NFS1: variants seen among roughly 807,000 people sequenced by gnomAD.
The protein encoded by NFS1 is NFS1 cysteine desulfurase, also known as cysteine desulfurase.
A neutral mutation model predicts 57.3 loss-of-function variants in NFS1; 26 were observed. That is an observed-to-expected ratio of 0.45 (90% confidence interval 0.33 to 0.63). The LOEUF is 0.63. Ranked by LOEUF, NFS1 falls within the 20% of genes least tolerant of loss-of-function variation. NFS1 has a pLI of 0.02. For synonymous variants in NFS1, 209 were observed against 216.3 expected (o/e 0.97, Z 0.30); for missense variants, 505 against 605.8 (o/e 0.83, Z 1.75).
chr20:35,677,414 T>C (rs2034771308), intron 7 of NFS1, among the ~76,000 whole-genome samples: 1 of 151,914 alleles, frequency 6.6e-6, no homozygotes, highest in African/African-American at 2.4e-5. Context: ...CATGCACTTA[T>C]AGTCCCAGCT....
intron 4 of NFS1, among the ~76,000 whole-genome samples, chr20:35,692,692 C>A (rs1404070794): frequency 1.3e-5 from 2 of 150,574 alleles, no homozygotes; most frequent in Non-Finnish European, 3.0e-5. Context: ...GACTCTGTCT[C>A]AAAAAACAGA....
chr20:35,697,640 GC>G, intron 3 of NFS1, 43 bp downstream of exon 3: 1 of 1,313,792 alleles, frequency 7.6e-7, no homozygotes, highest in South Asian at 1.3e-5. Context: ...ACAGGCCACT[GC>G]CCCTCTTTGA....
chr20:35,670,382 G>T (rs2034633910), intron 12 of NFS1, among the ~76,000 whole-genome samples: 1 of 152,148 alleles, frequency 6.6e-6, no homozygotes, highest in Admixed American at 6.5e-5. Context: ...CAGAAGCTTG[G>T]ATATCTTGGA....
chr20:35,676,575 ACT>A (rs1048025487), intron 7 of NFS1, among the ~76,000 whole-genome samples: 35 of 151,168 alleles, frequency 2.3e-4, no homozygotes, highest in Admixed American at 1.3e-4. Context: ...ACAGAGCAAG[ACT>A]CTGTCTAAAA....
chr20:35,692,211 TA>T (rs2035054013), intron 4 of NFS1: 1 of 253,414 alleles, frequency 3.9e-6, no homozygotes, highest in Non-Finnish European at 7.6e-6. Flanking sequence ...TAAATAAAAA[TA>T]AAAATACAAA....
chr20:35,687,335 C>T (rs1044881327), intron 5 of NFS1, among the ~76,000 whole-genome samples: 11 of 152,168 alleles, frequency 7.2e-5, no homozygotes, highest in African/African-American at 2.2e-4. Context: ...TCTGCCTTTT[C>T]GTTAGCAGTA....
rs2034599980 is a variant in NFS1 at position 35,668,302 on chromosome 20, C to T, written c.*1320G>A. ...TGAAAAGCAATTAAACTTTTTTGACCATTATCCACAATAAGAAATACATTT... is the reference window on the plus strand; with the variant it reads ...TGAAAAGCAATTAAACTTTTTTGACTATTATCCACAATAAGAAATACATTT... On this transcript the variant is annotated 3_prime_UTR_variant, in exon 13 of 13. Coordinates refer to ENST00000374092, the MANE Select transcript of NFS1 (RefSeq NM_021100.5). 1 of 152,140 alleles carries T rather than the reference C, an allele frequency of 6.6e-6. No individual in the cohort carries two copies. Among genetic ancestry groups the T allele is most frequent in the Non-Finnish European group, 1.5e-5 (1 of 68,018 alleles). 9.4% of individuals were successfully genotyped at this position (152,140 alleles called of 1,614,324 possible). A position where few individuals can be genotyped will look rare whatever the true frequency, so the allele number is the denominator to read the frequency against.
chr20:35,673,266 C>T (rs546543903), intron 11 of NFS1, among the ~76,000 whole-genome samples: 4 of 150,772 alleles, frequency 2.7e-5, no homozygotes, highest in Admixed American at 6.6e-5. Flanking sequence ...CCAGCCTGGG[C>T]GACAGAGTAA....
intron 10 of NFS1, chr20:35,673,923 T>C: frequency 2.1e-6 from 1 of 480,286 alleles, no homozygotes; most frequent in Non-Finnish European, 3.8e-6. Context: ...GCTGGCAAAG[T>C]GTGACAGAGC....
intron 7 of NFS1, chr20:35,675,494 A>T (rs886415803): frequency 2.5e-6 from 1 of 392,536 alleles, no homozygotes; most frequent in African/African-American, 2.1e-5. Context: ...TAATAGCAAA[A>T]ATACTGGGAA....
At chr20:35,678,200 A>C (rs1222349942) in intron 7 of NFS1, among the ~76,000 whole-genome samples, 1 of 151,754 alleles carries the variant, frequency 6.6e-6, no homozygotes, top group Admixed American at 6.6e-5. Flanking sequence ...TACAAAAAAA[A>C]AAAAATTAGC....
chr20:35,674,330 G>T lies in NFS1; in HGVS notation c.1136+20C>A. The stretch of plus-strand genomic sequence containing the variant: ...TCTAAGTGGCCCTGCCGCAGGCCCT[G>T]TCTATGCCGTCCAGCTCACCTCCCT... On this transcript the variant is annotated intron_variant, in intron 10 of 12. Transcript: ENST00000374092. The T allele has an allele frequency of 6.2e-7, 1 of 1,609,118 alleles. No individual in the cohort carries two copies. Among genetic ancestry groups the T allele is most frequent in the Non-Finnish European group, 8.5e-7 (1 of 1,175,998 alleles).
intron 12 of NFS1, among the ~76,000 whole-genome samples, chr20:35,669,931 T>C (rs1190147645): frequency 3.9e-5 from 6 of 152,190 alleles, no homozygotes; most frequent in South Asian, 2.1e-4. Flanking sequence ...TCAGGCTCAA[T>C]TGCAGTGGGG....
intron 4 of NFS1, among the ~76,000 whole-genome samples, chr20:35,696,086 T>G (rs1193021352): frequency 6.6e-6 from 1 of 151,346 alleles, no homozygotes; most frequent in Non-Finnish European, 1.5e-5. Flanking sequence ...CATTATCCAC[T>G]CTCTGAAGTA....
intron 12 of NFS1, among the ~76,000 whole-genome samples, 184 bp downstream of exon 12, chr20:35,672,571 A>G (rs941932472): frequency 2.0e-5 from 3 of 152,060 alleles, no homozygotes; most frequent in Admixed American, 1.3e-4. Flanking sequence ...GTTTTTAAAA[A>G]CACTTTCTCA....
At chr20:35,691,732 GC>G (rs1232648905) in intron 4 of NFS1, among the ~76,000 whole-genome samples, 12 of 81,540 alleles carry the variant, frequency 1.5e-4, no homozygotes, top group Non-Finnish European at 2.6e-4. Context: ...GAGCGAGACT[GC>G]ATCTCAAAAA....
Position 35,698,546 on chromosome 20 carries a change from C to A in NFS1, c.142G>T (p.Ala48Ser), listed in dbSNP as rs776667112. Residue 48 changes from alanine to serine, a missense_variant, in exon 2 of 13, where the codon GCT (alanine) becomes TCT (serine). Transcript: ENST00000374092. ...PQSAVPADTA[A>S]APEVGPVLRP... Reference sequence around the variant, plus strand: ...AGCACTGGCCCCACCTCCGGGGCAGCGGCTGTATCTGCGGGAACCGCAGAC... The same window carrying A: ...AGCACTGGCCCCACCTCCGGGGCAGAGGCTGTATCTGCGGGAACCGCAGAC... The A allele has an allele frequency of 5.6e-6, 9 of 1,613,704 alleles. No individual in the cohort carries two copies. The highest frequency in any genetic ancestry group is 1.7e-6 in the Non-Finnish European group (2 of 1,179,852).
intron 7 of NFS1, among the ~76,000 whole-genome samples, chr20:35,680,148 C>CA (rs1362009505): frequency 6.6e-6 from 1 of 151,908 alleles, no homozygotes; most frequent in Non-Finnish European, 1.5e-5. Flanking sequence ...ACTAAAAATA[C>CA]AAAAAAATTA....
chr20:35,695,983 T>C (rs951932009), intron 4 of NFS1, among the ~76,000 whole-genome samples: 1 of 151,698 alleles, frequency 6.6e-6, no homozygotes, highest in Non-Finnish European at 1.5e-5. Context: ...GAGTTTGCAG[T>C]GAGCTGAGAT....
Sources: gnomAD v4.1 joint callset for allele counts (sites outside exome capture counted in the v4.1 genomes callset) on GRCh38, gnomAD v4.1.1 for gene constraint, MANE v1.5 for transcripts, NCBI Gene and HGNC (gene_info 2026-07-23, HGNC 2026-07-21) for gene names.